DPY19L1: variants seen among roughly 807,000 people sequenced by gnomAD.
DPY19L1 encodes dpy-19 like C-mannosyltransferase 1, also known as protein C-mannosyl-transferase DPY19L1.
A neutral mutation model predicts 96.9 loss-of-function variants in DPY19L1; 35 were observed. The ratio of observed to expected loss-of-function variants is 0.36; its 90% CI spans 0.28 to 0.48. The LOEUF is 0.48. Ranked by LOEUF, DPY19L1 falls within the 20% of genes least tolerant of loss-of-function variation. The probability of loss-of-function intolerance (pLI) is 0.99; values close to 1 mark genes in which losing one functional copy is unlikely to be tolerated. For missense variants in DPY19L1, 521 were observed against 777.9 expected, an observed-to-expected ratio of 0.67 and a Z score of 3.93; for synonymous variants, 205 against 252.6, an observed-to-expected ratio of 0.81 and a Z score of 1.79.
rs1336766885 is a variant in DPY19L1 at position 34,939,316 on chromosome 7, G to A, written c.1924C>T (p.Pro642Ser). The change falls in exon 20 of 22, where the codon CCC (proline) becomes TCC (serine). Residue 642 changes from proline to serine, a missense_variant. By Grantham distance (74) the Pro-to-Ser change is moderately conservative. Coordinates refer to ENST00000638088, the MANE Select transcript of DPY19L1 (RefSeq NM_001366673.1). The stretch of plus-strand genomic sequence containing the variant: ...TCATAATGTGGATGATTCACAATGG[G>A]CCGAAGTGCAGAGAGCTTAACACTT... The part of the protein sequence containing the change: ...MASVKLSALR[P>S]IVNHPHYEDA... 1.2e-6 allele frequency: 2 copies of A among 1,613,720 alleles called. No individual in the cohort carries two copies. The highest frequency in any genetic ancestry group is 3.3e-5 in the Admixed American group (2 of 59,986).
intron 17 of DPY19L1, 115 bp from the exon 18 acceptor site, chr7:34,941,999 G>A: frequency 2.7e-6 from 3 of 1,109,690 alleles, no homozygotes; most frequent in Non-Finnish European, 2.5e-6. Flanking sequence ...ATACTACTAA[G>A]GTTTCTGAAA....
In DPY19L1 at chr7:34,931,170, A is replaced by G. The variant is rs1301037850; in HGVS notation, c.*403T>C. The G allele has an allele frequency of 6.5e-6, 1 of 153,874 alleles. No individual in the cohort carries two copies. The highest frequency in any genetic ancestry group is 1.4e-5 in the Non-Finnish European group (1 of 69,218). 9.5% of individuals were successfully genotyped at this position (153,874 alleles called of 1,614,324 possible). A position where few individuals can be genotyped will look rare whatever the true frequency, so the allele number is the denominator to read the frequency against. On this transcript the variant is annotated 3_prime_UTR_variant, in exon 22 of 22. Transcript: ENST00000638088. ...CTGAAATGTCCAAAAGACAAGAGCAAGAGGCAGAAAAAAGAAGCAAGGGGC... is the reference window on the plus strand; with the variant it reads ...CTGAAATGTCCAAAAGACAAGAGCAGGAGGCAGAAAAAAGAAGCAAGGGGC...
intron 1 of DPY19L1, among the ~76,000 whole-genome samples, chr7:35,036,661 G>C (rs1329971520): frequency 6.6e-6 from 1 of 152,108 alleles, no homozygotes; most frequent in African/African-American, 2.4e-5. Context: ...AACTCTCTAC[G>C]ACATGGAACG....
At chr7:34,971,174 G>T (rs1784718047) in intron 8 of DPY19L1, among the ~76,000 whole-genome samples, 1 of 152,112 alleles carries the variant, frequency 6.6e-6, no homozygotes, top group Non-Finnish European at 1.5e-5. Context: ...AAAGGAAATG[G>T]CTGCTCTTCC....
chr7:34,981,165 TA>T (rs1254438347), intron 7 of DPY19L1, among the ~76,000 whole-genome samples: 1 of 152,126 alleles, frequency 6.6e-6, no homozygotes, highest in African/African-American at 2.4e-5. Flanking sequence ...GTGAAAAGTA[TA>T]TATCATTAAA....
At chr7:35,028,510 A>C (rs553767343) in intron 1 of DPY19L1, among the ~76,000 whole-genome samples, 38 of 152,366 alleles carry the variant, frequency 2.5e-4, no homozygotes, top group Non-Finnish European at 2.6e-4. Flanking sequence ...AGTGTTTTGA[A>C]GACAATAAAT....
chr7:35,032,748 G>C (rs1369157924), intron 1 of DPY19L1, among the ~76,000 whole-genome samples: 1 of 151,962 alleles, frequency 6.6e-6, no homozygotes, highest in African/African-American at 2.4e-5. Flanking sequence ...TCACTATCTT[G>C]GTGAATGCCA....
rs12333557 is a variant in DPY19L1 at position 35,034,757 on chromosome 7, C to T, written c.298+2340G>A. 4.4e-4 allele frequency among the ~76,000 whole-genome samples: 67 copies of T among 152,282 alleles called. 1 individual carries two copies. The highest frequency in any genetic ancestry group is 1.6e-3 in the African/African-American group (65 of 41,554). Reference sequence around the variant, plus strand: ...AATTACTTTCTAAATAGAAATGAATCCATTTCTGTCTAGCTTAATATTTAG... The same window carrying T: ...AATTACTTTCTAAATAGAAATGAATTCATTTCTGTCTAGCTTAATATTTAG... On this transcript the variant is annotated intron_variant, in intron 1 of 21. Transcript: ENST00000638088.
At chr7:35,014,322 C>A (rs578143563) in intron 3 of DPY19L1, among the ~76,000 whole-genome samples, 109 of 151,888 alleles carry the variant, frequency 7.2e-4, no homozygotes, top group African/African-American at 2.4e-3. Context: ...GAGTGGTCCT[C>A]TTTTGAAGAA....
At chr7:35,001,969 A>T (rs1442932622) in intron 6 of DPY19L1, among the ~76,000 whole-genome samples, 1 of 152,038 alleles carries the variant, frequency 6.6e-6, no homozygotes, top group Non-Finnish European at 1.5e-5. Flanking sequence ...ACTAAAAAAT[A>T]CAAAAATTGG....
At chr7:34,984,817 C>T (rs1425660544) in intron 7 of DPY19L1, among the ~76,000 whole-genome samples, 1 of 151,796 alleles carries the variant, frequency 6.6e-6, no homozygotes, top group Non-Finnish European at 1.5e-5. Context: ...TCTGCTCCCA[C>T]TCTATCCTAC....
intron 21 of DPY19L1, among the ~76,000 whole-genome samples, chr7:34,937,281 A>C (rs1400740001): frequency 2.0e-5 from 3 of 152,226 alleles, no homozygotes; most frequent in African/African-American, 7.2e-5. Flanking sequence ...GTGAAACACC[A>C]GGAAAGAAAA....
At chr7:34,944,224 G>A (rs543952210) in intron 16 of DPY19L1, among the ~76,000 whole-genome samples, 45 of 151,826 alleles carry the variant, frequency 3.0e-4, no homozygotes, top group African/African-American at 9.4e-4. Context: ...TTAGCTGGGC[G>A]TGGTGGTGGT....
chr7:35,017,360 T>C (rs1785877429), intron 3 of DPY19L1, among the ~76,000 whole-genome samples: 1 of 151,352 alleles, frequency 6.6e-6, no homozygotes, highest in Non-Finnish European at 1.5e-5. Flanking sequence ...CCGGGCGCGG[T>C]GGCGGGCGCC....
chr7:35,017,720 G>A (rs545156118), intron 3 of DPY19L1, among the ~76,000 whole-genome samples, 162 bp downstream of exon 3: 15 of 152,042 alleles, frequency 9.9e-5, no homozygotes, highest in African/African-American at 2.6e-4. Flanking sequence ...GACATAGTGA[G>A]TGGGGGTGTA....
At chr7:35,016,489 G>T (rs966621662) in intron 3 of DPY19L1, among the ~76,000 whole-genome samples, 4 of 152,096 alleles carry the variant, frequency 2.6e-5, no homozygotes, top group African/African-American at 9.7e-5. Context: ...GAAATCAAAA[G>T]GTATTGTGTG....
intron 7 of DPY19L1, among the ~76,000 whole-genome samples, chr7:34,980,403 A>ATG (rs1225173906): frequency 6.6e-6 from 1 of 152,166 alleles, no homozygotes; most frequent in African/African-American, 2.4e-5. Flanking sequence ...AGGACTCAAC[A>ATG]TAAGAGACTG....
chr7:34,998,200 G>A (rs1434189088), intron 6 of DPY19L1, among the ~76,000 whole-genome samples: 1 of 152,176 alleles, frequency 6.6e-6, no homozygotes, highest in Non-Finnish European at 1.5e-5. Flanking sequence ...GGAAGAAAAG[G>A]CATTTTCTGC....
chr7:35,010,202 C>T (rs1230486527), intron 6 of DPY19L1, among the ~76,000 whole-genome samples: 1 of 152,034 alleles, frequency 6.6e-6, no homozygotes, highest in African/African-American at 2.4e-5. Flanking sequence ...TGCACTCCAG[C>T]CTGGGTGACA....
Sources: gnomAD v4.1 joint callset for allele counts (sites outside exome capture counted in the v4.1 genomes callset) on GRCh38, gnomAD v4.1.1 for gene constraint, MANE v1.5 for transcripts, NCBI Gene and HGNC (gene_info 2026-07-23, HGNC 2026-07-21) for gene names.